NFIB: variants seen among roughly 807,000 people sequenced by gnomAD.
The protein encoded by NFIB is nuclear factor 1 B-type.
In NFIB, 11 loss-of-function variants were observed where a neutral mutation model predicts 61.5. The observed-to-expected ratio is 0.18, with a 90% CI of 0.11 to 0.30. The LOEUF (loss-of-function observed/expected upper bound fraction) is 0.30, where lower values mean the gene tolerates loss of function less well. NFIB is among the 10% of genes least tolerant of loss of function. The pLI, the probability that NFIB is intolerant of heterozygous loss-of-function variation, is 1.00. For synonymous variants in NFIB, 260 were observed against 216.5 expected, an observed-to-expected ratio of 1.20 and a Z score of -1.76; for missense variants, 471 against 608.9, an observed-to-expected ratio of 0.77 and a Z score of 2.38.
At chr9:14,408,727 A>G in the NFIB span, among the ~76,000 whole-genome samples, 1 of 152,236 alleles carries the variant, frequency 6.6e-6, no homozygotes, top group Admixed American at 6.5e-5. Context: ...AAAAATTACA[A>G]TAGAATCAGA....
chr9:14,371,440 G>A (rs555626290), intron 1 of NFIB, among the ~76,000 whole-genome samples: 1 of 152,320 alleles, frequency 6.6e-6, no homozygotes, highest in Admixed American at 6.5e-5. Flanking sequence ...TGGCTGGGGA[G>A]TCAGGGGCTA....
intron 1 of NFIB, among the ~76,000 whole-genome samples, chr9:14,389,128 T>C (rs1164380468): frequency 6.6e-6 from 1 of 152,224 alleles, no homozygotes; most frequent in Admixed American, 6.5e-5. Flanking sequence ...AACATTTTAA[T>C]TGCAGTTTCC....
intron 1 of NFIB, chr9:14,357,040 AC>A (rs1564028672): frequency 6.6e-6 from 1 of 152,234 alleles, no homozygotes; most frequent in African/African-American, 2.4e-5. Flanking sequence ...TTTCTTATGC[AC>A]ACTGTGCAAA....
At chr9:14,473,434 G>A in the NFIB span, among the ~76,000 whole-genome samples, 2 of 152,138 alleles carry the variant, frequency 1.3e-5, no homozygotes, top group Non-Finnish European at 2.9e-5. Flanking sequence ...GTCAATTCAA[G>A]CTTGTAAAAT....
intron 5 of NFIB, 38 bp downstream of exon 5, chr9:14,150,107 G>A (rs374197537): frequency 7.4e-6 from 12 of 1,612,306 alleles, no homozygotes; most frequent in Non-Finnish European, 9.3e-6. Flanking sequence ...ACCTATGTGT[G>A]TATCACTTGA....
chr9:14,285,366 C>T (rs1429883287), intron 2 of NFIB, among the ~76,000 whole-genome samples: 1 of 152,186 alleles, frequency 6.6e-6, no homozygotes, highest in Non-Finnish European at 1.5e-5. Flanking sequence ...CAGGTAATCC[C>T]CCACCTCGGC....
the NFIB span, among the ~76,000 whole-genome samples, chr9:14,409,591 G>A: frequency 1.1e-3 from 168 of 152,246 alleles, 1 homozygote; most frequent in African/African-American, 3.9e-3. Context: ...AAAGGGGAGC[G>A]GCAACACTCC....
At chr9:14,215,237 A>G (rs1332134393) in intron 2 of NFIB, among the ~76,000 whole-genome samples, 1 of 145,028 alleles carries the variant, frequency 6.9e-6, no homozygotes, top group Non-Finnish European at 1.5e-5. Context: ...TAGACTGTCC[A>G]GCATATTGGA....
In NFIB at chr9:14,270,656, T is replaced by C. The variant is rs142772037; in HGVS notation, c.562+36333A>G. On this transcript the variant is annotated intron_variant, in intron 2 of 10. Coordinates refer to ENST00000380953, the MANE Select transcript of NFIB (RefSeq NM_001190737.2). ...GCTTAGATTAAACCTTCCACACATT[T>C]ACCTCCTACAAATCTGACATGTTCC... Among the ~76,000 whole-genome samples, 6 of 148,282 alleles carry C rather than the reference T, an allele frequency of 4.0e-5. No individual in the cohort carries two copies. The East Asian group carries it at 1.0e-3, about 25-fold the overall frequency.
At chr9:14,424,864 A>C in the NFIB span, among the ~76,000 whole-genome samples, 3 of 152,212 alleles carry the variant, frequency 2.0e-5, no homozygotes, top group Admixed American at 1.3e-4. Flanking sequence ...AGGGACATCT[A>C]GGCAAGAAGA....
intron 2 of NFIB, among the ~76,000 whole-genome samples, chr9:14,218,860 A>G (rs946948468): frequency 1.3e-5 from 2 of 152,168 alleles, no homozygotes; most frequent in African/African-American, 4.8e-5. Flanking sequence ...TAACTTCTCC[A>G]TCATCAAAAG....
intron 5 of NFIB, among the ~76,000 whole-genome samples, chr9:14,149,453 TA>T (rs1011168073): frequency 6.6e-6 from 1 of 150,554 alleles, no homozygotes; most frequent in Non-Finnish European, 1.5e-5. Context: ...CTAGCTCAAA[TA>T]AAAAAAAATT....
intron 1 of NFIB, among the ~76,000 whole-genome samples, chr9:14,373,274 G>A (rs1213118169): frequency 6.6e-6 from 1 of 152,164 alleles, no homozygotes; most frequent in Admixed American, 6.5e-5. Flanking sequence ...TTTTTACAGT[G>A]GTGTGAATCT....
At chr9:14,276,674 G>A (rs936827076) in intron 2 of NFIB, among the ~76,000 whole-genome samples, 2 of 151,848 alleles carry the variant, frequency 1.3e-5, no homozygotes, top group Non-Finnish European at 2.9e-5. Context: ...TCTTGTGAAG[G>A]TTCCTGCAAT....
chr9:14,208,583 G>C (rs2049995210), intron 2 of NFIB, among the ~76,000 whole-genome samples: 1 of 148,088 alleles, frequency 6.8e-6, no homozygotes, highest in South Asian at 2.1e-4. Context: ...TTTTCCTTAA[G>C]GACTCTTCAC....
intron 2 of NFIB, among the ~76,000 whole-genome samples, chr9:14,306,700 T>G (rs2060036136): frequency 6.6e-6 from 1 of 152,208 alleles, no homozygotes; most frequent in Non-Finnish European, 1.5e-5. Context: ...TTTGTTAGAC[T>G]ACCCTATGTC....
chr9:14,098,752 C>G (rs117579781), intron 10 of NFIB, among the ~76,000 whole-genome samples: 1 of 152,342 alleles, frequency 6.6e-6, no homozygotes, highest in East Asian at 1.9e-4. Context: ...TGACCTTTCA[C>G]TTAGGCAGAA....
At chr9:14,271,087 G>A (rs1437271674) in intron 2 of NFIB, among the ~76,000 whole-genome samples, 1 of 151,988 alleles carries the variant, frequency 6.6e-6, no homozygotes, top group African/African-American at 2.4e-5. Flanking sequence ...CATGGAGGTG[G>A]CTCATTAGAA....
chr9:14,502,702 T>C, the NFIB span, among the ~76,000 whole-genome samples: 1 of 152,170 alleles, frequency 6.6e-6, no homozygotes, highest in Non-Finnish European at 1.5e-5. Context: ...GGGGGAAGTT[T>C]TATTTATTTT....
Sources: allele counts gnomAD v4.1 joint callset (sites outside exome capture counted in the v4.1 genomes callset), GRCh38; gene constraint gnomAD v4.1.1; transcripts MANE v1.5; gene names NCBI Gene and HGNC (gene_info 2026-07-23, HGNC 2026-07-21).